LRRC43: variants seen among roughly 807,000 people sequenced by gnomAD.
LRRC43 encodes the protein leucine-rich repeat-containing protein 43.
LRRC43 carries 62 observed loss-of-function variants against 64.3 expected under a neutral mutation model. That is an observed-to-expected ratio of 0.96 (90% CI 0.79 to 1.19). The LOEUF (loss-of-function observed/expected upper bound fraction) is 1.19, where lower values mean the gene tolerates loss of function less well. Among genes scored for constraint, LRRC43 ranks in the 50% most tolerant of loss-of-function variants. The probability of loss-of-function intolerance (pLI) is 0.00; values close to 1 mark genes in which losing one functional copy is unlikely to be tolerated. For missense variants in LRRC43, 868 were observed against 845.0 expected (o/e 1.03, Z -0.34); for synonymous variants, 422 against 382.3 (o/e 1.10, Z -1.21).
At chr12:122,176,745 C>T (rs1185839652) in intron 1 of LRRC43, among the ~76,000 whole-genome samples, 1 of 151,940 alleles carries the variant, frequency 6.6e-6, no homozygotes, top group Admixed American at 6.6e-5. Flanking sequence ...ACCTCCACCT[C>T]CCCTGTTCAA....
At chr12:122,173,700 C>G (rs1236116365) in intron 1 of LRRC43, 2 of 646,130 alleles carry the variant, frequency 3.1e-6, no homozygotes, top group African/African-American at 3.7e-5. Context: ...AAAAAAAAAG[C>G]CATCTTTGCC....
At chr12:122,182,393 G>A (rs1257358038), upstream of LRRC43, among the ~76,000 whole-genome samples, 1 of 151,980 alleles carries the variant, frequency 6.6e-6, no homozygotes, top group Non-Finnish European at 1.5e-5. Flanking sequence ...GTTGTGGCAG[G>A]CGGTTGTAAT....
At chr12:122,191,298 C>G in intron 5 of LRRC43, 82 bp from the exon 6 acceptor site, 1 of 1,203,330 alleles carries the variant, frequency 8.3e-7, no homozygotes, top group South Asian at 1.5e-5. Context: ...ATCTAGGGAC[C>G]CGTGCCTTCC....
Position 122,200,287 on chromosome 12 carries a change from C to A in LRRC43, c.1448C>A (p.Ala483Asp), listed in dbSNP as rs1593155326. The change falls in exon 8 of 12, where the codon GCC becomes GAC. Residue 483 changes from alanine (A) to aspartate (D), a missense_variant. By Grantham distance (126) the Ala-to-Asp change is moderately radical. Coordinates refer to ENST00000339777, the MANE Select transcript of LRRC43 (RefSeq NM_001098519.2). This position sits in a 1 kb window ranked among gnomAD's most constrained non-coding sequence, Gnocchi z 4.6. ...CTCAGGGACCTGGTCCCACTGAAGG[C>A]CTTCCTGCTGGCGGGGACCACCGTG... is the stretch of plus-strand genomic sequence containing the variant. ...HSLRDLVPLK[A>D]FLLAGTTVTI... is the part of the protein sequence containing the mutation. The A allele has an allele frequency of 6.2e-7, 1 of 1,613,342 alleles. No individual in the cohort carries two copies. Among genetic ancestry groups the A allele is most frequent in the African/African-American group, 1.3e-5 (1 of 74,994 alleles).
At chr12:122,176,080 C>T (rs946448163) in intron 1 of LRRC43, among the ~76,000 whole-genome samples, 2 of 152,112 alleles carry the variant, frequency 1.3e-5, no homozygotes, top group Non-Finnish European at 2.9e-5. Flanking sequence ...CTGTGGGCTG[C>T]GGACAATAGC....
chr12:122,202,525 T>C (rs1593157087), intron 11 of LRRC43: 1 of 152,220 alleles, frequency 6.6e-6, no homozygotes, highest in East Asian at 1.9e-4. Flanking sequence ...TATTTTACCA[T>C]GCAGTTTGTA....
Position 122,190,258 on chromosome 12 carries a change from C to T in LRRC43, c.791C>T (p.Pro264Leu), listed in dbSNP as rs765390232. The T allele has an allele frequency of 6.2e-7, 1 of 1,614,168 alleles. No homozygotes were observed. Among genetic ancestry groups the T allele is most frequent in the Non-Finnish European group, 8.5e-7 (1 of 1,180,024 alleles). ...VLQGNPLALVPYYRGLTIDSL... is the reference protein window; with the variant it reads ...VLQGNPLALVLYYRGLTIDSL... ...CAGGGAAACCCACTGGCCTTGGTGC[C>T]CTACTACCGCGGCCTCACCATCGAC... Residue 264 changes from proline to leucine, a missense_variant, in exon 5 of 12, where the codon CCC becomes CTC. Pro to Leu is a moderately conservative substitution (Grantham distance 98). Coordinates refer to ENST00000339777, the MANE Select transcript of LRRC43 (RefSeq NM_001098519.2).
chr12:122,178,861 C>T (rs1237996553), upstream of LRRC43, among the ~76,000 whole-genome samples: 3 of 152,092 alleles, frequency 2.0e-5, no homozygotes, highest in East Asian at 5.8e-4. Flanking sequence ...CCTGCCTCGG[C>T]CTCCCAAGGT....
chr12:122,188,789 C>T (rs148005644), intron 4 of LRRC43, among the ~76,000 whole-genome samples: 49 of 152,310 alleles, frequency 3.2e-4, no homozygotes, highest in South Asian at 1.2e-3. Flanking sequence ...TCGTTGGCAT[C>T]GGAACCCCAT....
intron 1 of LRRC43, among the ~76,000 whole-genome samples, chr12:122,173,637 T>C (rs1282222114): frequency 6.6e-6 from 1 of 151,612 alleles, no homozygotes; most frequent in Non-Finnish European, 1.5e-5. Context: ...TGAGCCAAGA[T>C]TGCACCACTG....
At chr12:122,183,119 G>C, upstream of LRRC43, 1 of 1,529,528 alleles carries the variant, frequency 6.5e-7, no homozygotes, top group Non-Finnish European at 8.7e-7. Context: ...GCGTCCTAGC[G>C]GTTGCCGGGC....
At chr12:122,179,754 C>T (rs1045629374), upstream of LRRC43, among the ~76,000 whole-genome samples, 7 of 151,814 alleles carry the variant, frequency 4.6e-5, no homozygotes, top group African/African-American at 1.2e-4. Flanking sequence ...GGGCGGATCA[C>T]GAGGTCAAAA....
At chr12:122,174,093 C>A (rs1268112831) in intron 1 of LRRC43, 2 of 1,613,992 alleles carry the variant, frequency 1.2e-6, no homozygotes, top group East Asian at 4.5e-5. Flanking sequence ...GGTAGTGCTT[C>A]CAGAATCTTC....
chr12:122,189,919 T>C (rs1953694563), intron 4 of LRRC43: 4 of 621,286 alleles, frequency 6.4e-6, no homozygotes, highest in Non-Finnish European at 8.6e-6. Flanking sequence ...TGACTCCAAC[T>C]GTGAGGGTGG....
rs747256381 is a variant in LRRC43, at chr12:122,200,800, C to A, written c.1675C>A (p.Pro559Thr). ...KEPPKELRQD[P>T]PILQVLGRGL... ...GCCGCCCAAGGAGCTCCGGCAGGAC[C>A]CCCCCATCCTCCAGGTGCTGGGCCG... The change falls in exon 10 of 12, where the codon CCC becomes ACC. Residue 559 changes from proline (P) to threonine (T), a missense_variant. Transcript: ENST00000339777. The surrounding 1 kb of genome is among the most constrained non-coding windows in gnomAD (Gnocchi z 4.6). 10 of 1,612,910 alleles carry A rather than the reference C, an allele frequency of 6.2e-6. No homozygotes were observed. The South Asian group carries it at 8.8e-5, about 14-fold the overall frequency.
upstream of LRRC43, among the ~76,000 whole-genome samples, chr12:122,178,516 G>A (rs1953555962): frequency 6.6e-6 from 1 of 151,856 alleles, no homozygotes; most frequent in South Asian, 2.1e-4. Context: ...TAGTGATAGT[G>A]GAGATGAAGA....
chr12:122,192,075 A>C (rs963958346), intron 6 of LRRC43, among the ~76,000 whole-genome samples: 21 of 152,130 alleles, frequency 1.4e-4, no homozygotes, highest in African/African-American at 4.8e-4. Flanking sequence ...TGAGCCTAAC[A>C]AGAGAGCCAC....
At chr12:122,172,884 A>T in intron 1 of LRRC43, 1 of 686,180 alleles carries the variant, frequency 1.5e-6, no homozygotes, top group Non-Finnish European at 2.5e-6. Flanking sequence ...AGGCTGTGCC[A>T]TCACCAACCC....
chr12:122,177,163 G>C (rs1432476143), intron 1 of LRRC43, among the ~76,000 whole-genome samples: 5 of 152,140 alleles, frequency 3.3e-5, no homozygotes, highest in Admixed American at 3.3e-4. Flanking sequence ...ACCTAAAATA[G>C]AGAGATTTTC....
Sources: gnomAD v4.1 joint callset for allele counts (sites outside exome capture counted in the v4.1 genomes callset) on GRCh38, gnomAD v4.1.1 for gene constraint, Gnocchi (gnomAD v3.1) non-coding constraint, MANE v1.5 for transcripts, NCBI Gene and HGNC (gene_info 2026-07-23, HGNC 2026-07-21) for gene names.